The following NDUFS3 variants were observed in gnomAD, a reference collection of about 807,000 sequenced individuals.
NDUFS3 encodes NADH dehydrogenase [ubiquinone] iron-sulfur protein 3, mitochondrial.
NDUFS3 carries 19 observed loss-of-function variants against 30.8 expected under a neutral mutation model. The observed-to-expected ratio is 0.62, with a 90% confidence interval of 0.43 to 0.91. NDUFS3 has a LOEUF of 0.91. Among genes scored for constraint, NDUFS3 ranks in the 40% least tolerant of loss-of-function variants. The pLI is 0.00. For missense variants in NDUFS3, 331 were observed against 342.0 expected (o/e 0.97, Z 0.25); for synonymous variants, 153 against 135.8 (o/e 1.13, Z -0.88).
At chr11:47,579,772 A>T (rs2153795222) in intron 2 of NDUFS3, 1 of 268,428 alleles carries the variant, frequency 3.7e-6, no homozygotes, top group South Asian at 4.7e-5. Flanking sequence ...AAAGAATTAA[A>T]CTGCCCAGGG....
At chr11:47,581,880 A>C in intron 4 of NDUFS3, 1 of 649,880 alleles carries the variant, frequency 1.5e-6, no homozygotes, top group Non-Finnish European at 2.7e-6. Context: ...TGGACCAGGG[A>C]AATATTCCTG....
At chr11:47,580,104 T>A (rs1054898193) in intron 2 of NDUFS3, among the ~76,000 whole-genome samples, 1 of 151,598 alleles carries the variant, frequency 6.6e-6, no homozygotes, top group Non-Finnish European at 1.5e-5. Flanking sequence ...GTGAGGGATC[T>A]TCAAGCCCTG....
In NDUFS3 at chr11:47,579,259, C is replaced by T. The variant is rs375087712; in HGVS notation, c.68-10C>T. On this transcript the variant is annotated splice_polypyrimidine_tract_variant and intron_variant, in intron 1 of 6. Coordinates refer to ENST00000263774, the MANE Select transcript of NDUFS3 (RefSeq NM_004551.3). ...TCCCGCGCGTCTGTGCCTTTTATCT[C>T]CCTGTGCAGGGACTGGGCGACCCTC... 28 of 1,614,206 alleles carry T rather than the reference C, an allele frequency of 1.7e-5. 1 individual carries two copies. The South Asian group carries it at 2.1e-4, about 12-fold the overall frequency.
intron 4 of NDUFS3, 31 bp from the exon 5 acceptor site, chr11:47,582,057 T>A (rs772805696): frequency 6.2e-7 from 1 of 1,612,728 alleles, no homozygotes; most frequent in Non-Finnish European, 8.5e-7. Context: ...GACTCCCATC[T>A]CAGCCCTCCA....
chr11:47,580,848 ATG>A lies in NDUFS3; in HGVS notation c.246_247del (p.Asn82LysfsTer9). ...TCATGTGTGCAGGTGTCCTGCTTCA[ATG>A]AGTTAGAGGTCTGTATCCATCCTGA... On this transcript the variant is annotated frameshift_variant, in exon 4 of 7. Transcript: ENST00000263774. LOFTEE classifies it high-confidence loss of function. The A allele has an allele frequency of 6.2e-7, 1 of 1,614,102 alleles. No individual in the cohort carries two copies. Among genetic ancestry groups the A allele is most frequent in the Non-Finnish European group, 8.5e-7 (1 of 1,180,032 alleles).
At chr11:47,579,944 T>A (rs1261668635) in intron 2 of NDUFS3, among the ~76,000 whole-genome samples, 1 of 150,158 alleles carries the variant, frequency 6.7e-6, no homozygotes, top group Admixed American at 6.7e-5. Context: ...GACTGGGAGT[T>A]AGGAGACCTG....
chr11:47,582,225 G>C lies in NDUFS3; in HGVS notation c.507+12G>C. The C allele has an allele frequency of 1.9e-6, 3 of 1,614,204 alleles. No individual in the cohort carries two copies. The highest frequency in any genetic ancestry group is 2.5e-6 in the Non-Finnish European group (3 of 1,180,032). On this transcript the variant is annotated intron_variant, in intron 5 of 6. Transcript: ENST00000263774. ...GGTATGAAAGGGAGGTGAGTTACCG[G>C]ATATGGTGGACCTGCCTCTGGGCCA...
chr11:47,581,440 C>T (rs748579800), intron 4 of NDUFS3: 13 of 245,920 alleles, frequency 5.3e-5, no homozygotes, highest in Non-Finnish European at 1.0e-4. Flanking sequence ...CAGGCATGAG[C>T]CACCATGCCC....
At chr11:47,581,679 C>T (rs2097268864) in intron 4 of NDUFS3, 1 of 309,716 alleles carries the variant, frequency 3.2e-6, no homozygotes, top group African/African-American at 2.2e-5. Flanking sequence ...CTCCAGGAGT[C>T]CCCTACACTC....
chr11:47,579,938 G>A (rs1316688575), intron 2 of NDUFS3, among the ~76,000 whole-genome samples: 1 of 151,674 alleles, frequency 6.6e-6, no homozygotes, highest in Non-Finnish European at 1.5e-5. Flanking sequence ...TACACGGACT[G>A]GGAGTTAGGA....
At chr11:47,582,274 A>G (rs756003708) in intron 5 of NDUFS3, 61 bp downstream of exon 5, 9 of 1,614,110 alleles carry the variant, frequency 5.6e-6, no homozygotes, top group Non-Finnish European at 6.8e-6. Context: ...GGTTCAGACT[A>G]CGGGATGCAG....
At position 47,584,341 on chromosome 11, in the gene NDUFS3, G is replaced by C; in HGVS notation, c.655G>C (p.Val219Leu). 1 of 1,614,130 alleles carries C rather than the reference G, an allele frequency of 6.2e-7. No individual in the cohort carries two copies. The highest frequency in any genetic ancestry group is 8.5e-7 in the Non-Finnish European group (1 of 1,180,032). The part of the protein sequence containing the change: ...ELRYDDEVKR[V>L]VAEPVELAQE... ...ACGTTATGATGATGAAGTGAAGCGGGTGGTGGCAGAGCCGGTGGAGTTGGC... is the reference window on the plus strand; with the variant it reads ...ACGTTATGATGATGAAGTGAAGCGGCTGGTGGCAGAGCCGGTGGAGTTGGC... Residue 219 changes from valine (V) to leucine (L), a missense_variant, in exon 7 of 7, where the codon GTG becomes CTG. Coordinates refer to ENST00000263774, the MANE Select transcript of NDUFS3 (RefSeq NM_004551.3).
intron 4 of NDUFS3, 151 bp downstream of exon 4, chr11:47,581,135 C>A: frequency 3.4e-6 from 3 of 873,590 alleles, no homozygotes; most frequent in Non-Finnish European, 5.5e-6. Flanking sequence ...TGTGGGACCT[C>A]AGATAACTCA....
At chr11:47,579,762 A>G (rs559844341) in intron 2 of NDUFS3, 1 of 281,860 alleles carries the variant, frequency 3.5e-6, no homozygotes, top group South Asian at 4.3e-5. Context: ...GAAACAGTCC[A>G]AAGAATTAAA....
intron 2 of NDUFS3, among the ~76,000 whole-genome samples, chr11:47,580,306 A>G (rs2153795271): frequency 6.6e-6 from 1 of 152,324 alleles, no homozygotes; most frequent in South Asian, 2.1e-4. Flanking sequence ...CCCAGCTGCT[A>G]TAGTAAGAGT....
chr11:47,579,091 C>G lies in NDUFS3; in HGVS notation c.-1C>G. The G allele has an allele frequency of 6.4e-7, 1 of 1,566,030 alleles. No individual in the cohort carries two copies. Among genetic ancestry groups the G allele is most frequent in the Non-Finnish European group, 8.6e-7 (1 of 1,156,662 alleles). On this transcript the variant is annotated 5_prime_UTR_variant, in exon 1 of 7. Coordinates refer to ENST00000263774, the MANE Select transcript of NDUFS3 (RefSeq NM_004551.3). ...CGCTGCCTAGTCTGCATCTGAGTAA[C>G]ATGGCGGCGGCGGCGGTAGCCAGGC...
In NDUFS3 at chr11:47,579,267, A is replaced by G. The variant is rs1416590744; in HGVS notation, c.68-2A>G. ...GTCTGTGCCTTTTATCTCCCTGTGC[A>G]GGGACTGGGCGACCCTCCGTTCTGT... On this transcript the variant is annotated splice_acceptor_variant, in intron 1 of 6. Transcript: ENST00000263774. LOFTEE classifies it high-confidence loss of function. 2 of 1,614,042 alleles carry G rather than the reference A, an allele frequency of 1.2e-6. No individual in the cohort carries two copies. Among genetic ancestry groups the G allele is most frequent in the East Asian group, 2.2e-5 (1 of 44,896 alleles).
Position 47,584,348 on chromosome 11 carries a change from C to T in NDUFS3, c.662C>T (p.Ala221Val), listed in dbSNP as rs1203939196. 1.2e-6 allele frequency: 2 copies of T among 1,614,006 alleles called. No individual in the cohort carries two copies. Among genetic ancestry groups the T allele is most frequent in the African/African-American group, 2.7e-5 (2 of 74,908 alleles). The change falls in exon 7 of 7, where the codon GCA becomes GTA. Residue 221 changes from alanine to valine, a missense_variant. By Grantham distance (64) the Ala-to-Val change is moderately conservative. Coordinates refer to ENST00000263774, the MANE Select transcript of NDUFS3 (RefSeq NM_004551.3). ...RYDDEVKRVV[A>V]EPVELAQEFR... is the part of the protein sequence containing the mutation. The stretch of plus-strand genomic sequence containing the variant: ...GATGATGAAGTGAAGCGGGTGGTGG[C>T]AGAGCCGGTGGAGTTGGCCCAAGAG...
At chr11:47,582,000 G>T in intron 4 of NDUFS3, 88 bp from the exon 5 acceptor site, 1 of 1,553,210 alleles carries the variant, frequency 6.4e-7, no homozygotes, top group Non-Finnish European at 8.9e-7. Context: ...AGGTTTTGAG[G>T]TTCAGAATAG....
Sources: allele counts gnomAD v4.1 joint callset (sites outside exome capture counted in the v4.1 genomes callset), GRCh38; gene constraint gnomAD v4.1.1; transcripts MANE v1.5; gene names NCBI Gene and HGNC (gene_info 2026-07-23, HGNC 2026-07-21).